Variants in EDIL3 observed in about 807,000 individuals in gnomAD.
EDIL3 encodes EGF-like repeat and discoidin I-like domain-containing protein 3.
A neutral mutation model predicts 67.4 loss-of-function variants in EDIL3; 37 were observed. The ratio of observed to expected loss-of-function variants is 0.55; its 90% CI spans 0.42 to 0.72. The LOEUF (loss-of-function observed/expected upper bound fraction) is 0.72, where lower values mean the gene tolerates loss of function less well. Among genes scored for constraint, EDIL3 ranks in the 30% least tolerant of loss-of-function variants. The pLI is 0.00. For synonymous variants in EDIL3, 195 were observed against 196.3 expected (o/e 0.99, Z 0.05); for missense variants, 527 against 586.3 (o/e 0.90, Z 1.04).
chr5:84,075,722 G>A (rs531381474), intron 6 of EDIL3, among the ~76,000 whole-genome samples: 106 of 152,060 alleles, frequency 7.0e-4, no homozygotes, highest in African/African-American at 2.5e-3. Flanking sequence ...TGATCTGCCC[G>A]TCTCGGCCTC....
chr5:83,964,965 C>A (rs1428680505), intron 9 of EDIL3, among the ~76,000 whole-genome samples: 2 of 151,940 alleles, frequency 1.3e-5, no homozygotes, highest in Non-Finnish European at 2.9e-5. Context: ...CTCCCAATAA[C>A]CAACCAAGGT....
intron 1 of EDIL3, among the ~76,000 whole-genome samples, chr5:84,298,516 A>G (rs542285750): frequency 9.9e-5 from 15 of 152,272 alleles, no homozygotes; most frequent in Non-Finnish European, 1.6e-4. Context: ...GCTAATGCAT[A>G]CTGGGCTTAA....
intron 4 of EDIL3, among the ~76,000 whole-genome samples, chr5:84,140,321 A>G (rs1287467518): frequency 3.3e-5 from 5 of 152,200 alleles, no homozygotes; most frequent in Non-Finnish European, 7.4e-5. Flanking sequence ...TAATAGAAGG[A>G]AGTTCTCATA....
intron 9 of EDIL3, among the ~76,000 whole-genome samples, chr5:84,045,566 A>C (rs1309551874): frequency 6.6e-6 from 1 of 152,238 alleles, no homozygotes; most frequent in Non-Finnish European, 1.5e-5. Flanking sequence ...CCAGAAAGTT[A>C]TTACCTAGAA....
chr5:84,073,128 CT>C (rs1561422419), intron 6 of EDIL3, among the ~76,000 whole-genome samples: 1 of 152,042 alleles, frequency 6.6e-6, no homozygotes, highest in African/African-American at 2.4e-5. Context: ...CAGAAAAGGC[CT>C]TTGACAAAAT....
intron 9 of EDIL3, among the ~76,000 whole-genome samples, chr5:84,054,749 C>G (rs1008405963): frequency 2.0e-5 from 3 of 151,852 alleles, no homozygotes; most frequent in African/African-American, 7.3e-5. Context: ...ATCCAACTTA[C>G]AAGGGATGTG....
At chr5:84,166,246 T>C (rs1198061635) in intron 4 of EDIL3, among the ~76,000 whole-genome samples, 1 of 152,222 alleles carries the variant, frequency 6.6e-6, no homozygotes, top group African/African-American at 2.4e-5. Context: ...CCTCAACTTA[T>C]TTGGCCATGG....
chr5:84,329,068 T>A (rs955404881), intron 1 of EDIL3, among the ~76,000 whole-genome samples: 1 of 152,122 alleles, frequency 6.6e-6, no homozygotes, highest in Admixed American at 6.6e-5. Flanking sequence ...ATTTTATAAA[T>A]TTATTTCTTA....
intron 3 of EDIL3, among the ~76,000 whole-genome samples, chr5:84,207,656 G>A (rs1561221032): frequency 1.3e-5 from 2 of 151,604 alleles, no homozygotes; most frequent in African/African-American, 2.4e-5. Flanking sequence ...ATACTACAAG[G>A]CTACAGTAAC....
At chr5:84,073,919 G>A (rs1309378849) in intron 6 of EDIL3, among the ~76,000 whole-genome samples, 1 of 151,708 alleles carries the variant, frequency 6.6e-6, no homozygotes, top group Non-Finnish European at 1.5e-5. Context: ...AACAAAGCTG[G>A]AGGCATCACG....
intron 3 of EDIL3, among the ~76,000 whole-genome samples, chr5:84,218,511 G>T (rs72776553): frequency 6.6e-6 from 1 of 152,104 alleles, no homozygotes; most frequent in East Asian, 1.9e-4. Context: ...ACACCAGACC[G>T]AACAACTATC....
intron 1 of EDIL3, among the ~76,000 whole-genome samples, chr5:84,300,896 T>TG (rs1375042590): frequency 6.6e-6 from 1 of 151,864 alleles, no homozygotes; most frequent in Non-Finnish European, 1.5e-5. Flanking sequence ...TTAGGTATGC[T>TG]GACTCCAAGC....
At chr5:84,014,969 G>C (rs1293864732) in intron 9 of EDIL3, among the ~76,000 whole-genome samples, 2 of 152,202 alleles carry the variant, frequency 1.3e-5, no homozygotes, top group Admixed American at 6.5e-5. Flanking sequence ...GTTGGACAGA[G>C]TGCACAGTGA....
intron 9 of EDIL3, among the ~76,000 whole-genome samples, chr5:83,998,464 G>A (rs965420552): frequency 6.6e-6 from 1 of 152,146 alleles, no homozygotes; most frequent in African/African-American, 2.4e-5. Context: ...ATGGGCATTG[G>A]GTGATACCTA....
At chr5:84,081,474 C>A (rs1183133168) in intron 6 of EDIL3, among the ~76,000 whole-genome samples, 23 of 152,042 alleles carry the variant, frequency 1.5e-4, no homozygotes, top group Admixed American at 1.4e-3. Context: ...CCAATAAAAA[C>A]CACATTAGAA....
At chr5:84,061,967 G>A (rs950069860) in intron 8 of EDIL3, among the ~76,000 whole-genome samples, 27 of 151,878 alleles carry the variant, frequency 1.8e-4, no homozygotes, top group African/African-American at 6.5e-4. Flanking sequence ...TTCTGTCCTG[G>A]TCTATCTAGA....
intron 1 of EDIL3, among the ~76,000 whole-genome samples, chr5:84,335,632 A>G (rs1746969766): frequency 6.6e-6 from 1 of 152,180 alleles, no homozygotes; most frequent in African/African-American, 2.4e-5. Context: ...CAAATGGAGA[A>G]CCCAGCTTGT....
At chr5:84,040,111 C>T (rs1198800320) in intron 9 of EDIL3, among the ~76,000 whole-genome samples, 1 of 152,158 alleles carries the variant, frequency 6.6e-6, no homozygotes, top group Non-Finnish European at 1.5e-5. Flanking sequence ...TGTCATGCAA[C>T]TAGTGGCAGA....
At chr5:84,049,641 T>G (rs1395393905) in intron 9 of EDIL3, among the ~76,000 whole-genome samples, 1 of 152,208 alleles carries the variant, frequency 6.6e-6, no homozygotes, top group East Asian at 1.9e-4. Flanking sequence ...AATTTCAACA[T>G]TGGTAAGAAT....
Sources: allele counts gnomAD v4.1 joint callset (sites outside exome capture counted in the v4.1 genomes callset), GRCh38; gene constraint gnomAD v4.1.1; transcripts MANE v1.5; gene names NCBI Gene and HGNC (gene_info 2026-07-23, HGNC 2026-07-21).